Variants in TNFRSF19 observed in about 807,000 individuals in gnomAD.
The protein encoded by TNFRSF19 is tumor necrosis factor receptor superfamily member 19.
In TNFRSF19, 27 loss-of-function variants were observed where a neutral mutation model predicts 46.4. That is an observed-to-expected ratio of 0.58 (90% CI 0.43 to 0.80). The LOEUF (loss-of-function observed/expected upper bound fraction) is 0.80, where lower values mean the gene tolerates loss of function less well. TNFRSF19 is among the 30% of genes least tolerant of loss of function. The pLI is 0.00. For synonymous variants in TNFRSF19, 204 were observed against 205.0 expected (o/e 1.00, Z 0.04); for missense variants, 511 against 530.8 (o/e 0.96, Z 0.37).
intron 3 of TNFRSF19, among the ~76,000 whole-genome samples, chr13:23,606,484 C>A (rs1880522736): frequency 6.6e-6 from 1 of 152,172 alleles, no homozygotes; most frequent in Admixed American, 6.5e-5. Flanking sequence ...CACATGCCTG[C>A]CCTGAGCTGT....
chr13:23,673,420 C>A lies in TNFRSF19; in HGVS notation c.*40C>A. On this transcript the variant is annotated 3_prime_UTR_variant, in exon 10 of 10. Transcript: ENST00000248484. ...TCTGCAGTAGAAGCGTGTGCTGGAA[C>A]CCAAAGAGTACTCCTTTGTTAGGCT... 6.3e-7 allele frequency: 1 copy of A among 1,594,750 alleles called. No homozygotes were observed. The highest frequency in any genetic ancestry group is 8.6e-7 in the Non-Finnish European group (1 of 1,168,654).
chr13:23,625,186 G>A (rs531584107), intron 4 of TNFRSF19, among the ~76,000 whole-genome samples: 60 of 152,216 alleles, frequency 3.9e-4, no homozygotes, highest in South Asian at 2.9e-3. Flanking sequence ...TTAAAAATGC[G>A]TATGGTAGGT....
intron 5 of TNFRSF19, among the ~76,000 whole-genome samples, chr13:23,645,165 C>T (rs1023742265): frequency 4.6e-5 from 7 of 152,184 alleles, no homozygotes; most frequent in Admixed American, 2.6e-4. Context: ...TACAAACTTG[C>T]TTTCTGTAAC....
intron 3 of TNFRSF19, among the ~76,000 whole-genome samples, chr13:23,600,316 A>G (rs1160217797): frequency 2.0e-5 from 3 of 152,148 alleles, no homozygotes; most frequent in African/African-American, 7.2e-5. Context: ...ACAGAGAATC[A>G]CAATACACTG....
At chr13:23,612,469 A>G (rs1398712700) in intron 3 of TNFRSF19, among the ~76,000 whole-genome samples, 2 of 152,222 alleles carry the variant, frequency 1.3e-5, no homozygotes, top group Non-Finnish European at 2.9e-5. Flanking sequence ...CTCAAAAAGC[A>G]GTTGCTGTCA....
At position 23,674,638 on chromosome 13, in the gene TNFRSF19, C is replaced by T. The variant is rs889733576; in HGVS notation, c.*1258C>T. On this transcript the variant is annotated 3_prime_UTR_variant, in exon 10 of 10. Coordinates refer to ENST00000248484, the MANE Select transcript of TNFRSF19 (RefSeq NM_148957.4). ...TTCAGTCACAAAGCAGGGAATGGTT[C>T]ATTTACTCTTAATCTTTATGCCCTG... 1.3e-5 allele frequency: 2 copies of T among 152,204 alleles called. No homozygotes were observed. The highest frequency in any genetic ancestry group is 3.8e-4 in the East Asian group (2 of 5,200). The allele number at this position is 152,204 out of a possible 1,614,324, so 9.4% of individuals were successfully genotyped here. A position where few individuals can be genotyped will look rare whatever the true frequency, so the allele number is the denominator to read the frequency against.
chr13:23,601,938 G>A (rs1880190985), intron 3 of TNFRSF19, among the ~76,000 whole-genome samples: 1 of 151,990 alleles, frequency 6.6e-6, no homozygotes, highest in South Asian at 2.1e-4. Flanking sequence ...ACTACAAAAG[G>A]GAAAATGTGG....
chr13:23,639,000 A>G (rs1342759371), intron 5 of TNFRSF19, among the ~76,000 whole-genome samples: 1 of 152,176 alleles, frequency 6.6e-6, no homozygotes, highest in Non-Finnish European at 1.5e-5. Flanking sequence ...TATTGAGAAG[A>G]AATAAGAGCT....
intron 1 of TNFRSF19, among the ~76,000 whole-genome samples, chr13:23,571,747 G>A (rs975299655): frequency 6.6e-6 from 1 of 151,876 alleles, no homozygotes; most frequent in African/African-American, 2.4e-5. Context: ...AAAGTTAACT[G>A]TTATTTTTTT....
intron 1 of TNFRSF19, among the ~76,000 whole-genome samples, chr13:23,582,657 C>G (rs1878538611): frequency 6.6e-6 from 1 of 152,164 alleles, no homozygotes; most frequent in African/African-American, 2.4e-5. Flanking sequence ...TGATGGTGAA[C>G]ACATAAAACA....
chr13:23,667,120 G>GATATATATATATATAT (rs746299138), intron 7 of TNFRSF19, among the ~76,000 whole-genome samples: 11 of 87,700 alleles, frequency 1.3e-4, no homozygotes, highest in East Asian at 1.1e-3. Context: ...AAATCAGAGT[G>GATATATATATATATAT]ATATATATAT....
intron 1 of TNFRSF19, among the ~76,000 whole-genome samples, chr13:23,581,239 G>A (rs148226968): frequency 0.051 from 7,667 of 151,284 alleles, 292 homozygotes; most frequent in Non-Finnish European, 0.077. Context: ...TCCACTTCCC[G>A]GGTTCACGCC....
At chr13:23,603,037 G>A (rs1487593381) in intron 3 of TNFRSF19, among the ~76,000 whole-genome samples, 1 of 151,996 alleles carries the variant, frequency 6.6e-6, no homozygotes, top group Non-Finnish European at 1.5e-5. Flanking sequence ...AAACTCTGGA[G>A]AGAGTGAAGA....
chr13:23,659,311 G>A lies in TNFRSF19; in HGVS notation c.610+97G>A, dbSNP rs956871407. On this transcript the variant is annotated intron_variant, in intron 6 of 9. Transcript: ENST00000248484. This position sits in a 1 kb window ranked among gnomAD's most constrained non-coding sequence, Gnocchi z 4.9. ...TCCACAAGAGACTTGGCTGAGACAA[G>A]CACCAGTGAGTTGTGAAAGAACGCA... 5.9e-5 allele frequency: 79 copies of A among 1,348,908 alleles called. No homozygotes were observed. The highest frequency in any genetic ancestry group is 1.9e-4 in the Middle Eastern group (1 of 5,318). The allele number at this position is 1,348,908 out of a possible 1,614,324, so 83.6% of individuals were successfully genotyped here.
At chr13:23,593,797 G>A (rs1312460047) in intron 3 of TNFRSF19, among the ~76,000 whole-genome samples, 2 of 152,202 alleles carry the variant, frequency 1.3e-5, no homozygotes, top group African/African-American at 4.8e-5. Flanking sequence ...CTAAAGCATT[G>A]TGTGGTGGCT....
intron 2 of TNFRSF19, among the ~76,000 whole-genome samples, chr13:23,592,986 GT>G (rs5802243): frequency 0.26 from 39,202 of 150,746 alleles, 5,590 homozygotes; most frequent in African/African-American, 0.38. Flanking sequence ...AGTCATAACT[GT>G]TTTTTTTTTA....
intron 5 of TNFRSF19, among the ~76,000 whole-genome samples, chr13:23,649,549 T>C (rs1373708791): frequency 6.6e-6 from 1 of 152,126 alleles, no homozygotes; most frequent in Non-Finnish European, 1.5e-5. Flanking sequence ...CTCTATTTCA[T>C]TGATCTCTGC....
chr13:23,614,746 C>CATACATATAT (rs773633456), intron 3 of TNFRSF19, among the ~76,000 whole-genome samples: 2 of 134,866 alleles, frequency 1.5e-5, no homozygotes, highest in African/African-American at 5.6e-5. Flanking sequence ...ATAAGTAATA[C>CATACATATAT]ATATATATAT....
At chr13:23,644,096 TA>T (rs1173169296) in intron 5 of TNFRSF19, among the ~76,000 whole-genome samples, 1 of 152,230 alleles carries the variant, frequency 6.6e-6, no homozygotes, top group Non-Finnish European at 1.5e-5. Flanking sequence ...AAAGGGCTGA[TA>T]ATTAGGGCAG....
Sources: gnomAD v4.1 joint callset for allele counts (sites outside exome capture counted in the v4.1 genomes callset) on GRCh38, gnomAD v4.1.1 for gene constraint, Gnocchi (gnomAD v3.1) non-coding constraint, MANE v1.5 for transcripts, NCBI Gene and HGNC (gene_info 2026-07-23, HGNC 2026-07-21) for gene names.